The following COL24A1 variants were observed in gnomAD, a reference collection of about 807,000 sequenced individuals.
COL24A1 encodes the protein collagen type XXIV alpha 1 chain, also known as collagen alpha-1(XXIV) chain.
A neutral mutation model predicts 253.9 loss-of-function variants in COL24A1; 224 were observed. That is an observed-to-expected ratio of 0.88 (90% CI 0.79 to 0.99). COL24A1 has a LOEUF of 0.99. COL24A1 is among the 50% of genes least tolerant of loss of function. The pLI, the probability that COL24A1 is intolerant of heterozygous loss-of-function variation, is 0.00. For synonymous variants in COL24A1, 685 were observed against 673.7 expected (o/e 1.02, Z -0.26); for missense variants, 2,131 against 2,068.5 (o/e 1.03, Z -0.59).
chr1:85,829,891 AT>A (rs1418667939), intron 43 of COL24A1, among the ~76,000 whole-genome samples: 1 of 151,954 alleles, frequency 6.6e-6, no homozygotes, highest in Non-Finnish European at 1.5e-5. Context: ...GCTCGGAGTA[AT>A]TTGATCGTCT....
chr1:86,042,064 G>A (rs1307367215), intron 12 of COL24A1, among the ~76,000 whole-genome samples: 1 of 152,046 alleles, frequency 6.6e-6, no homozygotes, highest in African/African-American at 2.4e-5. Context: ...GGAAGGAGAG[G>A]AAGAAGTCAG....
At chr1:86,150,369 T>A (rs1460588986) in intron 1 of COL24A1, among the ~76,000 whole-genome samples, 2 of 152,194 alleles carry the variant, frequency 1.3e-5, no homozygotes, top group Non-Finnish European at 2.9e-5. Context: ...AAATTGACAG[T>A]AAATACTTTT....
At chr1:85,935,566 C>G (rs534319208) in intron 24 of COL24A1, among the ~76,000 whole-genome samples, 1 of 147,712 alleles carries the variant, frequency 6.8e-6, no homozygotes, top group East Asian at 2.1e-4. Context: ...GCTCACTGTA[C>G]TTCATCCTGT....
intron 45 of COL24A1, among the ~76,000 whole-genome samples, chr1:85,819,462 T>C (rs904114135): frequency 2.0e-5 from 3 of 152,176 alleles, no homozygotes; most frequent in African/African-American, 7.2e-5. Flanking sequence ...TTTTTCAAAA[T>C]AGACTTTTCC....
At chr1:85,982,919 T>C (rs551989953) in intron 20 of COL24A1, among the ~76,000 whole-genome samples, 3 of 152,156 alleles carry the variant, frequency 2.0e-5, no homozygotes, top group East Asian at 3.9e-4. Flanking sequence ...TTATAGTATA[T>C]AGAATGTAAA....
chr1:86,155,060 G>A (rs905577178), intron 1 of COL24A1: 3 of 152,402 alleles, frequency 2.0e-5, no homozygotes, highest in African/African-American at 7.2e-5. Flanking sequence ...AACCCGCAGA[G>A]CTTGACCTCT....
chr1:86,124,014 G>C (rs1647828334), intron 3 of COL24A1, among the ~76,000 whole-genome samples: 1 of 151,634 alleles, frequency 6.6e-6, no homozygotes, highest in African/African-American at 2.4e-5. Context: ...AAGACATAAA[G>C]GTAAATTTAA....
intron 12 of COL24A1, among the ~76,000 whole-genome samples, 165 bp from the exon 13 acceptor site, chr1:86,034,088 T>C (rs902930069): frequency 6.6e-6 from 1 of 152,170 alleles, no homozygotes; most frequent in Non-Finnish European, 1.5e-5. Context: ...TTAAATACAA[T>C]ATTTCAAAAA....
chr1:86,103,280 A>C (rs1228616774), intron 5 of COL24A1, among the ~76,000 whole-genome samples: 4 of 152,074 alleles, frequency 2.6e-5, no homozygotes, highest in East Asian at 3.9e-4. Flanking sequence ...GTGTTACTGC[A>C]TGTAAGATGA....
At chr1:86,021,265 T>C (rs920676791) in intron 18 of COL24A1, among the ~76,000 whole-genome samples, 3 of 152,214 alleles carry the variant, frequency 2.0e-5, no homozygotes, top group African/African-American at 7.2e-5. Flanking sequence ...TAATCATCTC[T>C]ACCTTTTTCA....
chr1:85,732,199 A>T (rs544137550), intron 59 of COL24A1, among the ~76,000 whole-genome samples: 2 of 152,058 alleles, frequency 1.3e-5, no homozygotes, highest in South Asian at 4.2e-4. Context: ...TGGGCTTTGG[A>T]GTTCTCCATG....
chr1:85,759,866 T>G (rs1217964990), intron 55 of COL24A1, among the ~76,000 whole-genome samples: 2 of 152,166 alleles, frequency 1.3e-5, no homozygotes, highest in Non-Finnish European at 2.9e-5. Flanking sequence ...ATTTCTTTAA[T>G]TTGCCAATGA....
chr1:86,035,842 T>C (rs1252859852), intron 12 of COL24A1, among the ~76,000 whole-genome samples: 1 of 152,118 alleles, frequency 6.6e-6, no homozygotes, highest in African/African-American at 2.4e-5. Context: ...CTCCCAATCC[T>C]TCCCAGTCCC....
intron 1 of COL24A1, among the ~76,000 whole-genome samples, chr1:86,146,820 A>G (rs971419880): frequency 9.2e-5 from 14 of 152,100 alleles, no homozygotes; most frequent in Non-Finnish European, 1.9e-4. Context: ...CCCAATCACT[A>G]CAAATTAAAA....
intron 5 of COL24A1, among the ~76,000 whole-genome samples, chr1:86,099,010 T>C (rs1182641593): frequency 6.6e-6 from 1 of 152,120 alleles, no homozygotes; most frequent in East Asian, 1.9e-4. Context: ...AAATACACAA[T>C]CTTTTGAAGT....
At chr1:85,816,636 C>T (rs1395714293) in intron 47 of COL24A1, 152 bp downstream of exon 47, 1 of 610,396 alleles carries the variant, frequency 1.6e-6, no homozygotes, top group Non-Finnish European at 3.0e-6. Flanking sequence ...TCCTGGAAAT[C>T]CTAAATACAA....
intron 19 of COL24A1, among the ~76,000 whole-genome samples, chr1:85,995,062 A>G (rs557204343): frequency 4.7e-4 from 72 of 152,340 alleles, no homozygotes; most frequent in African/African-American, 1.6e-3. Flanking sequence ...CTCAACAGAG[A>G]AAATCCACAA....
At chr1:85,924,758 G>C (rs1409573931) in intron 24 of COL24A1, among the ~76,000 whole-genome samples, 1 of 152,156 alleles carries the variant, frequency 6.6e-6, no homozygotes, top group Non-Finnish European at 1.5e-5. Flanking sequence ...TTGAAAACTG[G>C]CACAAGACAG....
At chr1:86,080,903 A>G (rs1057385580) in intron 7 of COL24A1, among the ~76,000 whole-genome samples, 1 of 152,148 alleles carries the variant, frequency 6.6e-6, no homozygotes, top group African/African-American at 2.4e-5. Flanking sequence ...ATAGTATAGG[A>G]CCATAAAAAT....
Sources: gnomAD v4.1 joint callset for allele counts (sites outside exome capture counted in the v4.1 genomes callset) on GRCh38, gnomAD v4.1.1 for gene constraint, MANE v1.5 for transcripts, NCBI Gene and HGNC (gene_info 2026-07-23, HGNC 2026-07-21) for gene names.